Variants in CECR2 observed in about 807,000 individuals in gnomAD.
The protein encoded by CECR2 is chromatin remodeling regulator CECR2.
A neutral mutation model predicts 154.5 loss-of-function variants in CECR2; 30 were observed. The ratio of observed to expected loss-of-function variants is 0.19; its 90% CI spans 0.15 to 0.26. The LOEUF is 0.26. Ranked by LOEUF, CECR2 falls within the 10% of genes least tolerant of loss-of-function variation. The pLI is 1.00. For synonymous variants in CECR2, 725 were observed against 683.7 expected, an observed-to-expected ratio of 1.06 and a Z score of -0.94; for missense variants, 1,743 against 1,829.3, an observed-to-expected ratio of 0.95 and a Z score of 0.86.
intron 1 of CECR2, among the ~76,000 whole-genome samples, chr22:17,373,112 G>C (rs2063079806): frequency 6.6e-6 from 1 of 151,982 alleles, no homozygotes; most frequent in South Asian, 2.1e-4. Context: ...GCCCAGGCTG[G>C]AGTACAGTGG....
intron 8 of CECR2, among the ~76,000 whole-genome samples, chr22:17,514,396 C>T (rs2056014458): frequency 1.3e-5 from 2 of 152,130 alleles, no homozygotes; most frequent in African/African-American, 2.4e-5. Context: ...TCTGTTGAAT[C>T]GTCCTTGACT....
intron 1 of CECR2, among the ~76,000 whole-genome samples, chr22:17,404,068 G>T (rs988080512): frequency 1.3e-5 from 2 of 151,806 alleles, no homozygotes; most frequent in Admixed American, 6.6e-5. Context: ...GACTAGTCCA[G>T]CCAATGTGGT....
In CECR2 at chr22:17,542,536, C is replaced by T. The variant is rs2147031934; in HGVS notation, c.2393C>T (p.Pro798Leu). Residue 798 changes from proline to leucine, a missense_variant, in exon 16 of 19, where the codon CCC (proline) becomes CTC (leucine). By Grantham distance (98) the Pro-to-Leu change is moderately conservative. Coordinates refer to ENST00000262608, the MANE Select transcript of CECR2 (RefSeq NM_001290047.2). ...GAGAAGCCCCACCTGGGGCCAGGAC[C>T]CTCTCACCAGCCTCGCACTCTCGGT... ...PDEKPHLGPG[P>L]SHQPRTLGHV... is the part of the protein sequence containing the mutation. 1.2e-6 allele frequency: 2 copies of T among 1,613,988 alleles called. No homozygotes were observed. The highest frequency in any genetic ancestry group is 2.7e-5 in the African/African-American group (2 of 75,050).
chr22:17,431,707 C>T (rs2054425604), intron 1 of CECR2, among the ~76,000 whole-genome samples: 1 of 151,784 alleles, frequency 6.6e-6, no homozygotes, highest in Non-Finnish European at 1.5e-5. Context: ...AAAAAAAAGA[C>T]TAAAGTGGTA....
intron 1 of CECR2, among the ~76,000 whole-genome samples, chr22:17,446,065 A>G (rs773716866): frequency 5.9e-5 from 9 of 152,182 alleles, no homozygotes; most frequent in Non-Finnish European, 1.3e-4. Flanking sequence ...CCTTGGATCA[A>G]TGGTGCCAGC....
intron 1 of CECR2, among the ~76,000 whole-genome samples, chr22:17,436,333 A>G (rs1013756295): frequency 6.6e-6 from 1 of 152,222 alleles, no homozygotes; most frequent in East Asian, 1.9e-4. Flanking sequence ...CAACATTTAA[A>G]TAAAGTTCTA....
At chr22:17,413,708 G>C (rs951665855) in intron 1 of CECR2, among the ~76,000 whole-genome samples, 1 of 151,576 alleles carries the variant, frequency 6.6e-6, no homozygotes. Flanking sequence ...ATGGAGTCTT[G>C]CTCTGTCGCC....
At chr22:17,490,498 G>C in intron 2 of CECR2, among the ~76,000 whole-genome samples, 1 of 152,052 alleles carries the variant, frequency 6.6e-6, no homozygotes, top group East Asian at 1.9e-4. Context: ...GCAGTGGTGT[G>C]ATCTCAGCTC....
At chr22:17,534,235 A>C (rs1045432827) in intron 9 of CECR2, among the ~76,000 whole-genome samples, 1 of 152,058 alleles carries the variant, frequency 6.6e-6, no homozygotes, top group Admixed American at 6.6e-5. Context: ...CTGATGTGGG[A>C]GGATCCGTTA....
At chr22:17,466,827 T>C (rs2055040894) in intron 1 of CECR2, among the ~76,000 whole-genome samples, 1 of 152,184 alleles carries the variant, frequency 6.6e-6, no homozygotes. Context: ...CTCCTGACCT[T>C]GTGATCCTCC....
intron 2 of CECR2, among the ~76,000 whole-genome samples, chr22:17,483,338 C>T (rs529646085): frequency 6.1e-4 from 93 of 152,224 alleles, no homozygotes; most frequent in African/African-American, 2.2e-3. Flanking sequence ...GGTGAGAGGA[C>T]GGTTTGAGGC....
chr22:17,494,436 T>C (rs1223590574), intron 2 of CECR2, among the ~76,000 whole-genome samples: 1 of 152,158 alleles, frequency 6.6e-6, no homozygotes, highest in Non-Finnish European at 1.5e-5. Context: ...GGCTCCTCAC[T>C]CTGGAAGGGT....
At chr22:17,405,446 TAAAATAA>T (rs2053967178) in intron 1 of CECR2, among the ~76,000 whole-genome samples, 3 of 136,586 alleles carry the variant, frequency 2.2e-5, no homozygotes, top group Admixed American at 8.0e-5. Context: ...TAAAATAAGA[TAAAATAA>T]AAAATATAAA....
intron 1 of CECR2, among the ~76,000 whole-genome samples, chr22:17,426,353 T>C (rs1050573443): frequency 6.6e-6 from 1 of 152,132 alleles, no homozygotes; most frequent in African/African-American, 2.4e-5. Context: ...GTTCTATTCT[T>C]TTAATTTTTT....
At position 17,534,064 on chromosome 22, in the gene CECR2, A is replaced by T. The variant is rs868677780; in HGVS notation, c.1109-3039A>T. 7.6e-4 allele frequency among the ~76,000 whole-genome samples: 116 copies of T among 152,302 alleles called. 1 individual carries two copies. The Middle Eastern group carries it at 0.024, about 31-fold the overall frequency. ...AAACAATACGATAGGGTCAATCATT[A>T]TGCCACATAATGAGATCAAATCTGC... On this transcript the variant is annotated intron_variant, in intron 9 of 18. Coordinates refer to ENST00000262608, the MANE Select transcript of CECR2 (RefSeq NM_001290047.2).
rs771549943 is a variant in CECR2, at chr22:17,548,928, G to T, written c.3641G>T (p.Arg1214Ile). The change falls in exon 17 of 19, where the codon AGA (arginine) becomes ATA (isoleucine). Residue 1214 changes from arginine (R) to isoleucine (I), a missense_variant. Transcript: ENST00000262608. ...CCACAGAGCTTTTCTGACTGGCAGA[G>T]ACCTCTCCATCCCCAGGGAAGCCCA... ...ACPQSFSDWQRPLHPQGSPSG... is the reference protein window; with the variant it reads ...ACPQSFSDWQIPLHPQGSPSG... 2 of 1,613,780 alleles carry T rather than the reference G, an allele frequency of 1.2e-6. No individual in the cohort carries two copies. Among genetic ancestry groups the T allele is most frequent in the Admixed American group, 3.3e-5 (2 of 59,992 alleles).
intron 1 of CECR2, among the ~76,000 whole-genome samples, chr22:17,403,904 A>G (rs1287948022): frequency 6.6e-6 from 1 of 152,038 alleles, no homozygotes; most frequent in Non-Finnish European, 1.5e-5. Flanking sequence ...TAAAGTACTG[A>G]TCGAAGTTGG....
intron 17 of CECR2, 139 bp from the exon 18 acceptor site, chr22:17,551,892 C>T (rs1301078873): frequency 2.6e-5 from 19 of 735,686 alleles, no homozygotes; most frequent in Non-Finnish European, 4.1e-5. Context: ...CACAGAATGT[C>T]GAGTTGTCCC....
chr22:17,524,087 C>T, intron 8 of CECR2, 31 bp from the exon 9 acceptor site: 2 of 1,524,398 alleles, frequency 1.3e-6, no homozygotes, highest in South Asian at 2.4e-5. Context: ...TGATTGTGTA[C>T]TGACCGGATG....
Sources: allele counts gnomAD v4.1 joint callset (sites outside exome capture counted in the v4.1 genomes callset), GRCh38; gene constraint gnomAD v4.1.1; transcripts MANE v1.5; gene names NCBI Gene and HGNC (gene_info 2026-07-23, HGNC 2026-07-21).